The following HYCC2 variants were observed in gnomAD, a reference collection of about 807,000 sequenced individuals.
The protein encoded by HYCC2 is hyccin PI4KA lipid kinase complex subunit 2.
chr2:201,052,705 T>G, the HYCC2 span, among the ~76,000 whole-genome samples: 4 of 152,212 alleles, frequency 2.6e-5, no homozygotes, highest in African/African-American at 9.6e-5. Context: ...TCAACTTCCT[T>G]CCTCAAGACT....
chr2:201,060,058 G>T, the HYCC2 span, among the ~76,000 whole-genome samples: 2 of 144,824 alleles, frequency 1.4e-5, no homozygotes, highest in Admixed American at 1.4e-4. Flanking sequence ...AAAAAGCGGG[G>T]GGGGGGGGGT....
At chr2:200,998,442 C>T in the HYCC2 span, among the ~76,000 whole-genome samples, 1 of 152,136 alleles carries the variant, frequency 6.6e-6, no homozygotes, top group African/African-American at 2.4e-5. Context: ...AGTCCCTTAC[C>T]TCTGTAGCTC....
At chr2:201,059,721 A>T in the HYCC2 span, among the ~76,000 whole-genome samples, 1 of 152,018 alleles carries the variant, frequency 6.6e-6, no homozygotes, top group Non-Finnish European at 1.5e-5. Context: ...TCAACATCTT[A>T]TGTTGTCAAA....
chr2:201,013,903 G>A, the HYCC2 span, among the ~76,000 whole-genome samples: 1 of 152,240 alleles, frequency 6.6e-6, no homozygotes, highest in East Asian at 1.9e-4. Context: ...TTGAAACAAC[G>A]AAGTGCTGGG....
the HYCC2 span, among the ~76,000 whole-genome samples, chr2:201,069,600 AACAC>A: frequency 6.8e-6 from 1 of 147,768 alleles, no homozygotes; most frequent in African/African-American, 2.5e-5. Flanking sequence ...GCATAAAAGC[AACAC>A]ACACACACAC....
At chr2:201,042,722 G>A in the HYCC2 span, among the ~76,000 whole-genome samples, 2 of 150,092 alleles carry the variant, frequency 1.3e-5, no homozygotes, top group African/African-American at 4.9e-5. Context: ...CGCCCGGCCA[G>A]CCGCCCCGTC....
At chr2:201,028,483 C>A in the HYCC2 span, among the ~76,000 whole-genome samples, 4 of 152,026 alleles carry the variant, frequency 2.6e-5, no homozygotes, top group Non-Finnish European at 5.9e-5. Context: ...CATATGGAAC[C>A]AAAAATGAGC....
At chr2:201,047,909 A>T in the HYCC2 span, among the ~76,000 whole-genome samples, 50 of 151,808 alleles carry the variant, frequency 3.3e-4, no homozygotes, top group Non-Finnish European at 6.5e-4. Context: ...AAAAAAAAAA[A>T]ATCTCACCTT....
chr2:201,047,465 T>C, the HYCC2 span, among the ~76,000 whole-genome samples: 393 of 148,886 alleles, frequency 2.6e-3, no homozygotes, highest in Non-Finnish European at 3.7e-3. Flanking sequence ...TATATATATA[T>C]ACACACACAC....
At chr2:201,064,112 A>G in the HYCC2 span, 4 of 1,380,164 alleles carry the variant, frequency 2.9e-6, no homozygotes, top group Non-Finnish European at 4.0e-6. Flanking sequence ...GCTACAGGTT[A>G]CAACAGATTT....
the HYCC2 span, chr2:201,063,094 T>G: frequency 6.2e-7 from 1 of 1,609,258 alleles, no homozygotes; most frequent in Non-Finnish European, 8.5e-7. Context: ...CCGTCATGTC[T>G]AAGTCAGAGT....
At chr2:200,982,767 TA>T in the HYCC2 span, among the ~76,000 whole-genome samples, 2 of 152,312 alleles carry the variant, frequency 1.3e-5, no homozygotes, top group East Asian at 1.9e-4. Flanking sequence ...TTTATTTATT[TA>T]TTTTTTTTGA....
the HYCC2 span, chr2:201,023,885 A>G: frequency 8.9e-7 from 1 of 1,129,580 alleles, no homozygotes; most frequent in Non-Finnish European, 1.3e-6. Flanking sequence ...ATGTTTCTCC[A>G]TAGAGCACAT....
At chr2:201,010,068 C>T in the HYCC2 span, among the ~76,000 whole-genome samples, 1 of 146,588 alleles carries the variant, frequency 6.8e-6, no homozygotes, top group South Asian at 2.2e-4. Flanking sequence ...CGCGCCACTG[C>T]ACTCCATCCT....
chr2:201,022,834 A>G, the HYCC2 span: 48 of 1,591,172 alleles, frequency 3.0e-5, no homozygotes, highest in Admixed American at 5.9e-4. Context: ...CTCCTACCTC[A>G]TTATTTGAAT....
the HYCC2 span, among the ~76,000 whole-genome samples, chr2:200,991,563 C>T: frequency 7.5e-5 from 11 of 146,132 alleles, no homozygotes; most frequent in African/African-American, 2.0e-4. Flanking sequence ...AGCAAGACTC[C>T]GTCTCAAAAA....
At chr2:201,005,990 C>A in the HYCC2 span, among the ~76,000 whole-genome samples, 1 of 152,032 alleles carries the variant, frequency 6.6e-6, no homozygotes, top group Non-Finnish European at 1.5e-5. Flanking sequence ...TGCGCCACCA[C>A]GCCTGGCTAA....
chr2:201,021,045 G>C, the HYCC2 span, among the ~76,000 whole-genome samples: 1 of 152,058 alleles, frequency 6.6e-6, no homozygotes, highest in Non-Finnish European at 1.5e-5. Context: ...GAGATTACAG[G>C]CGTGAGACAC....
At chr2:201,058,573 G>A in the HYCC2 span, among the ~76,000 whole-genome samples, 1 of 152,088 alleles carries the variant, frequency 6.6e-6, no homozygotes, top group African/African-American at 2.4e-5. Flanking sequence ...GCATCGTGGC[G>A]CATGCCTGTA....
Sources: allele counts gnomAD v4.1 joint callset (sites outside exome capture counted in the v4.1 genomes callset), GRCh38; gene constraint gnomAD v4.1.1; transcripts MANE v1.5; gene names NCBI Gene and HGNC (gene_info 2026-07-23, HGNC 2026-07-21).